PLAAT5: variants seen among roughly 807,000 people sequenced by gnomAD.
PLAAT5 encodes the protein phospholipase A and acyltransferase 5, also known as Ca(2+)-independent N-acyltransferase.
In PLAAT5, 27 loss-of-function variants were observed where a neutral mutation model predicts 27.8. The ratio of observed to expected loss-of-function variants is 0.97; its 90% CI spans 0.72 to 1.34. The LOEUF (loss-of-function observed/expected upper bound fraction) is 1.34, where lower values mean the gene tolerates loss of function less well. Ranked by LOEUF, PLAAT5 falls within the 40% of genes most tolerant of loss-of-function variation. PLAAT5 has a pLI of 0.00. For synonymous variants in PLAAT5, 125 were observed against 136.1 expected, an observed-to-expected ratio of 0.92 and a Z score of 0.57; for missense variants, 368 against 343.8, an observed-to-expected ratio of 1.07 and a Z score of -0.56.
At chr11:63,489,301 T>C (rs559301522) in intron 2 of PLAAT5, among the ~76,000 whole-genome samples, 4 of 152,232 alleles carry the variant, frequency 2.6e-5, no homozygotes, top group Non-Finnish European at 5.9e-5. Flanking sequence ...TATAATGAAA[T>C]GCAAGGAGCC....
intron 4 of PLAAT5, 74 bp from the exon 5 acceptor site, chr11:63,466,446 T>G (rs896537680): frequency 8.0e-5 from 117 of 1,463,956 alleles, no homozygotes; most frequent in Non-Finnish European, 1.0e-5. Flanking sequence ...AGACTCTGAG[T>G]AAGCTGCTTC....
chr11:63,472,710 A>T (rs2120256362), intron 3 of PLAAT5, among the ~76,000 whole-genome samples: 1 of 152,240 alleles, frequency 6.6e-6, no homozygotes, highest in East Asian at 1.9e-4. Context: ...TTATTTTTTT[A>T]ATTTCATTTT....
chr11:63,481,335 G>A (rs1040190125), intron 3 of PLAAT5, among the ~76,000 whole-genome samples: 2 of 152,230 alleles, frequency 1.3e-5, no homozygotes, highest in Non-Finnish European at 2.9e-5. Flanking sequence ...AGCAACTGGG[G>A]AGGCTGAGGC....
At chr11:63,464,826 A>G (rs565075298) in intron 5 of PLAAT5, among the ~76,000 whole-genome samples, 23 of 152,206 alleles carry the variant, frequency 1.5e-4, no homozygotes, top group Non-Finnish European at 2.9e-4. Context: ...TATGGGAGGA[A>G]GTGACAGAGC....
intron 3 of PLAAT5, among the ~76,000 whole-genome samples, chr11:63,472,218 A>G (rs2016044369): frequency 6.6e-6 from 1 of 152,196 alleles, no homozygotes. Flanking sequence ...AAAAAAAAGG[A>G]AAGAAAAAAA....
intron 5 of PLAAT5, among the ~76,000 whole-genome samples, chr11:63,464,533 G>GT: frequency 6.6e-6 from 1 of 152,116 alleles, no homozygotes; most frequent in South Asian, 2.1e-4. Flanking sequence ...GCGTGCACCT[G>GT]GAGTCCCAGC....
At chr11:63,483,830 T>TATATATAC (rs2016366033) in intron 3 of PLAAT5, among the ~76,000 whole-genome samples, 1 of 116,026 alleles carries the variant, frequency 8.6e-6, no homozygotes, top group Non-Finnish European at 1.8e-5. Flanking sequence ...TATATATATA[T>TATATATAC]ATATATATAT....
In PLAAT5 at chr11:63,462,823, T is replaced by A. The variant is rs1018497508; in HGVS notation, c.*680A>T. 2.6e-5 allele frequency: 4 copies of A among 152,188 alleles called. No individual in the cohort carries two copies. The highest frequency in any genetic ancestry group is 9.6e-5 in the African/African-American group (4 of 41,456). 9.4% of individuals were successfully genotyped at this position (152,188 alleles called of 1,614,324 possible). On this transcript the variant is annotated 3_prime_UTR_variant, in exon 6 of 6. Coordinates refer to ENST00000540857, the MANE Select transcript of PLAAT5 (RefSeq NM_001146729.2). The stretch of plus-strand genomic sequence containing the variant: ...AATCAGTGAGACTAGAAACTTCACA[T>A]TTTAGGGTAATTATGAGGTACAAAA...
chr11:63,469,714 T>C (rs1390575858), intron 3 of PLAAT5: 2 of 161,574 alleles, frequency 1.2e-5, no homozygotes, highest in African/African-American at 4.8e-5. Flanking sequence ...AATACATATG[T>C]GAAAGTCTCT....
intron 3 of PLAAT5, among the ~76,000 whole-genome samples, chr11:63,481,763 G>T (rs2016290429): frequency 6.6e-6 from 1 of 152,150 alleles, no homozygotes; most frequent in African/African-American, 2.4e-5. Context: ...GTAGGGACAT[G>T]GATGAAGCTG....
At chr11:63,469,947 G>C (rs990136822) in intron 3 of PLAAT5, among the ~76,000 whole-genome samples, 2 of 152,104 alleles carry the variant, frequency 1.3e-5, no homozygotes, top group South Asian at 4.1e-4. Context: ...AAATTAGCCA[G>C]GCTTGGTGGC....
intron 4 of PLAAT5, among the ~76,000 whole-genome samples, chr11:63,467,519 C>A (rs1185186492): frequency 1.3e-5 from 2 of 152,060 alleles, no homozygotes; most frequent in East Asian, 3.9e-4. Flanking sequence ...CAGCTGAGAA[C>A]AAGTTAGGAC....
rs2015764731 is a variant in PLAAT5, at chr11:63,463,303, A to T, written c.*200T>A. 1 of 604,318 alleles carries T rather than the reference A, an allele frequency of 1.7e-6. No individual in the cohort carries two copies. The highest frequency in any genetic ancestry group is 3.0e-6 in the Non-Finnish European group (1 of 336,148). 37.4% of individuals were successfully genotyped at this position (604,318 alleles called of 1,614,324 possible). A position where few individuals can be genotyped will look rare whatever the true frequency, so the allele number is the denominator to read the frequency against. On this transcript the variant is annotated 3_prime_UTR_variant, in exon 6 of 6. Coordinates refer to ENST00000540857, the MANE Select transcript of PLAAT5 (RefSeq NM_001146729.2). ...ATAAGAGATACACACTAGATACCAG[A>T]TCCTTCCCATCCTGAGAGTCTGTGG...
At chr11:63,474,139 T>C (rs866490580) in intron 3 of PLAAT5, among the ~76,000 whole-genome samples, 5 of 152,184 alleles carry the variant, frequency 3.3e-5, no homozygotes, top group African/African-American at 1.2e-4. Context: ...TTTACATGTA[T>C]ATTCATAGAG....
chr11:63,478,325 C>T (rs1236678627), intron 3 of PLAAT5, among the ~76,000 whole-genome samples: 7 of 143,984 alleles, frequency 4.9e-5, no homozygotes, highest in African/African-American at 1.3e-4. Context: ...AATAGACTTT[C>T]TTTTTTTTTT....
Position 63,483,783 on chromosome 11 carries a change from AAATATATATATATATATGTAT to A in PLAAT5, c.345+5067_345+5087del, listed in dbSNP as rs1320064438. ...AGTAAATGAAATTGAAGCAAAAAAA[AAATATATATATATATATGTAT>A]ATATATATATATATATATATATATA... On this transcript the variant is annotated intron_variant, in intron 3 of 5. Coordinates refer to ENST00000540857, the MANE Select transcript of PLAAT5 (RefSeq NM_001146729.2). Among the ~76,000 whole-genome samples, 904 of 96,182 alleles carry A rather than the reference AAATATATATATATATATGTAT, an allele frequency of 9.4e-3. 37 individuals carry two copies. The highest frequency in any genetic ancestry group is 0.044 in the African/African-American group (875 of 19,832). 63.1% of individuals were successfully genotyped at this position (96,182 alleles called of 152,430 possible).
At chr11:63,474,258 G>A (rs1400417118) in intron 3 of PLAAT5, among the ~76,000 whole-genome samples, 1 of 152,126 alleles carries the variant, frequency 6.6e-6, no homozygotes, top group Non-Finnish European at 1.5e-5. Flanking sequence ...TTTTCAGAAA[G>A]AGTTTATGAA....
At chr11:63,483,058 T>C (rs1243959361) in intron 3 of PLAAT5, among the ~76,000 whole-genome samples, 1 of 152,114 alleles carries the variant, frequency 6.6e-6, no homozygotes, top group East Asian at 1.9e-4. Context: ...GAAAATATCA[T>C]AATCCTAAAT....
chr11:63,483,793 A>ATATATGTG (rs2016351960), intron 3 of PLAAT5, among the ~76,000 whole-genome samples: 1 of 59,630 alleles, frequency 1.7e-5, no homozygotes, highest in Non-Finnish European at 2.6e-5. Context: ...AAATATATAT[A>ATATATGTG]TATATATGTA....
Sources: allele counts gnomAD v4.1 joint callset (sites outside exome capture counted in the v4.1 genomes callset), GRCh38; gene constraint gnomAD v4.1.1; transcripts MANE v1.5; gene names NCBI Gene and HGNC (gene_info 2026-07-23, HGNC 2026-07-21).